PTPRD: variants seen among roughly 807,000 people sequenced by gnomAD.
PTPRD encodes protein tyrosine phosphatase receptor type D.
In PTPRD, 34 loss-of-function variants were observed where a neutral mutation model predicts 214.5. That is an observed-to-expected ratio of 0.16 (90% CI 0.12 to 0.21). PTPRD has a LOEUF of 0.21. PTPRD is among the 10% of genes least tolerant of loss of function. The pLI, the probability that PTPRD is intolerant of heterozygous loss-of-function variation, is 1.00. For synonymous variants in PTPRD, 1,128 were observed against 845.7 expected (o/e 1.33, Z -5.79); for missense variants, 2,545 against 2,398.7 (o/e 1.06, Z -1.27).
intron 11 of PTPRD, among the ~76,000 whole-genome samples, chr9:8,765,267 C>G (rs916408900): frequency 6.6e-5 from 10 of 152,192 alleles, no homozygotes; most frequent in Non-Finnish European, 1.2e-4. Context: ...GTGACTGCTT[C>G]CAGCAAACAG....
chr9:9,647,641 T>C (rs2096229245), intron 7 of PTPRD, among the ~76,000 whole-genome samples: 1 of 152,218 alleles, frequency 6.6e-6, no homozygotes, highest in African/African-American at 2.4e-5. Flanking sequence ...CTGTTTTCCC[T>C]TTGACTCAGT....
chr9:9,525,033 A>G (rs2073769779), intron 8 of PTPRD, among the ~76,000 whole-genome samples: 1 of 152,004 alleles, frequency 6.6e-6, no homozygotes, highest in Non-Finnish European at 1.5e-5. Context: ...AATTTTTTGT[A>G]TTTTTAGTAG....
chr9:9,024,455 G>A (rs983353637), intron 10 of PTPRD, among the ~76,000 whole-genome samples: 3 of 149,762 alleles, frequency 2.0e-5, no homozygotes, highest in African/African-American at 7.4e-5. Context: ...GCTGGATGCA[G>A]TCAAGCTTGC....
intron 43 of PTPRD, among the ~76,000 whole-genome samples, chr9:8,336,766 A>G (rs1046532783): frequency 6.6e-5 from 10 of 152,194 alleles, no homozygotes. Context: ...CAGGAAAACA[A>G]CAACCTCATC....
intron 44 of PTPRD, among the ~76,000 whole-genome samples, chr9:8,326,022 C>A (rs1220828323): frequency 3.3e-5 from 5 of 152,168 alleles, no homozygotes; most frequent in Non-Finnish European, 2.9e-5. Flanking sequence ...CAAACAGAGA[C>A]AATTTGACTT....
intron 9 of PTPRD, among the ~76,000 whole-genome samples, chr9:9,342,681 C>A (rs2047251800): frequency 6.7e-6 from 1 of 150,018 alleles, no homozygotes; most frequent in Admixed American, 6.7e-5. Context: ...TCTTCCAAGG[C>A]AGTCTCACAA....
rs545731468 is a variant in PTPRD at position 10,213,454 on chromosome 9, G to A, written c.-545+127509C>T. On this transcript the variant is annotated intron_variant, in intron 3 of 45. Transcript: ENST00000381196. ...TGTTCTGTCTTTCACTATCTGTCAG[G>A]TGGATGCAGAGGACTTCAGGTCCTA... 6.6e-5 allele frequency among the ~76,000 whole-genome samples: 10 copies of A among 152,160 alleles called. 1 individual carries two copies. In the South Asian group the frequency reaches 2.1e-3, roughly 32 times the overall value.
At chr9:9,410,626 A>C (rs2075090145) in intron 8 of PTPRD, among the ~76,000 whole-genome samples, 1 of 152,188 alleles carries the variant, frequency 6.6e-6, no homozygotes, top group Admixed American at 6.5e-5. Flanking sequence ...TGGAGGGAAA[A>C]GAGGCTTTGA....
intron 14 of PTPRD, among the ~76,000 whole-genome samples, chr9:8,569,566 C>T (rs974905737): frequency 1.3e-5 from 2 of 152,044 alleles, no homozygotes; most frequent in African/African-American, 4.8e-5. Context: ...CTACAGTCCC[C>T]TCCATCTGGT....
At chr9:8,814,393 G>A (rs984153215) in intron 11 of PTPRD, among the ~76,000 whole-genome samples, 2 of 152,124 alleles carry the variant, frequency 1.3e-5, no homozygotes, top group South Asian at 2.1e-4. Context: ...AACAGAGGAG[G>A]GTGAGAAGGA....
At chr9:10,381,156 A>T (rs1213351451) in intron 2 of PTPRD, among the ~76,000 whole-genome samples, 2 of 151,608 alleles carry the variant, frequency 1.3e-5, no homozygotes, top group Non-Finnish European at 2.9e-5. Flanking sequence ...AAATGCTCCC[A>T]ACTATACATC....
intron 8 of PTPRD, among the ~76,000 whole-genome samples, chr9:9,483,166 C>G (rs1212512066): frequency 6.6e-6 from 1 of 152,112 alleles, no homozygotes; most frequent in African/African-American, 2.4e-5. Context: ...AGAAATCATG[C>G]ATAGAACATG....
intron 10 of PTPRD, among the ~76,000 whole-genome samples, chr9:9,121,210 A>G (rs2099817282): frequency 6.6e-6 from 1 of 152,196 alleles, no homozygotes; most frequent in African/African-American, 2.4e-5. Context: ...TTTTTATTTG[A>G]AAATCTCCAT....
chr9:9,446,814 A>G (rs1275970143), intron 8 of PTPRD, among the ~76,000 whole-genome samples: 1 of 152,196 alleles, frequency 6.6e-6, no homozygotes, highest in Non-Finnish European at 1.5e-5. Context: ...AAACACATTT[A>G]CAATAAAAAG....
intron 3 of PTPRD, among the ~76,000 whole-genome samples, chr9:10,262,288 A>G (rs1279732824): frequency 6.6e-6 from 1 of 152,214 alleles, no homozygotes; most frequent in African/African-American, 2.4e-5. Flanking sequence ...TAATTACACT[A>G]ATGCTATTTA....
chr9:9,987,557 C>T lies in PTPRD; in HGVS notation c.-472+46161G>A, dbSNP rs186665124. Among the ~76,000 whole-genome samples, 8 of 152,138 alleles carry T rather than the reference C, an allele frequency of 5.3e-5. No individual in the cohort carries two copies. The East Asian group carries it at 1.5e-3, about 29-fold the overall frequency. ...GAGAACAGCACGGGAAAGACCTGCC[C>T]CGACAACATGTGGGAATTATGGGAG... is the stretch of plus-strand genomic sequence containing the variant. On this transcript the variant is annotated intron_variant, in intron 4 of 45. Coordinates refer to ENST00000381196, the MANE Select transcript of PTPRD (RefSeq NM_002839.4).
chr9:9,115,694 C>T (rs2099811746), intron 10 of PTPRD, among the ~76,000 whole-genome samples: 1 of 152,126 alleles, frequency 6.6e-6, no homozygotes, highest in South Asian at 2.1e-4. Flanking sequence ...TTTATCACAA[C>T]ACAATTCAGT....
At chr9:9,496,060 C>G (rs1197836159) in intron 8 of PTPRD, among the ~76,000 whole-genome samples, 1 of 152,134 alleles carries the variant, frequency 6.6e-6, no homozygotes, top group Non-Finnish European at 1.5e-5. Flanking sequence ...AGGTTGAGCA[C>G]AGCAGGCCAA....
chr9:9,217,037 C>T (rs987864687), intron 9 of PTPRD, among the ~76,000 whole-genome samples: 1 of 151,842 alleles, frequency 6.6e-6, no homozygotes, highest in African/African-American at 2.4e-5. Context: ...TTAAGAAATG[C>T]CAGTGTTAAC....
Sources: gnomAD v4.1 joint callset for allele counts (sites outside exome capture counted in the v4.1 genomes callset) on GRCh38, gnomAD v4.1.1 for gene constraint, MANE v1.5 for transcripts, NCBI Gene and HGNC (gene_info 2026-07-23, HGNC 2026-07-21) for gene names.